The following REEP1 variants were observed in gnomAD, a reference collection of about 807,000 sequenced individuals.
The protein encoded by REEP1 is receptor accessory protein 1.
In REEP1, 22 loss-of-function variants were observed where a neutral mutation model predicts 40.3. The ratio of observed to expected loss-of-function variants is 0.55; its 90% CI spans 0.39 to 0.78. The LOEUF is 0.78. REEP1 is among the 30% of genes least tolerant of loss of function. The pLI is 0.00. For missense variants in REEP1, 280 were observed against 361.1 expected (o/e 0.78, Z 1.82); for synonymous variants, 116 against 139.2 (o/e 0.83, Z 1.17).
Position 86,265,357 on chromosome 2 carries a change from C to A in REEP1, c.106-1316G>T, listed in dbSNP as rs138718680. On this transcript the variant is annotated intron_variant, in intron 2 of 8. Coordinates refer to ENST00000538924, the MANE Select transcript of REEP1 (RefSeq NM_001371279.1). ...CACATCTTAGCAATAAAAATTACATCCTAACACTAAGAGATTAACTCTATG... is the reference window on the plus strand; with the variant it reads ...CACATCTTAGCAATAAAAATTACATACTAACACTAAGAGATTAACTCTATG... 7.2e-5 allele frequency among the ~76,000 whole-genome samples: 11 copies of A among 152,210 alleles called. No individual in the cohort carries two copies. In the East Asian group the frequency reaches 2.1e-3, roughly 29 times the overall value.
intron 2 of REEP1, among the ~76,000 whole-genome samples, chr2:86,264,863 C>T (rs1677058264): frequency 6.6e-6 from 1 of 152,196 alleles, no homozygotes; most frequent in African/African-American, 2.4e-5. Context: ...ACGGGAACCA[C>T]ACTGGGTTAG....
At chr2:86,329,666 A>C (rs1277233209) in intron 1 of REEP1, among the ~76,000 whole-genome samples, 1 of 152,014 alleles carries the variant, frequency 6.6e-6, no homozygotes, top group Non-Finnish European at 1.5e-5. Context: ...CTTTATGGGG[A>C]TCTTGTTAAA....
chr2:86,226,632 C>CTTTTTT (rs377324951), intron 7 of REEP1, among the ~76,000 whole-genome samples: 4 of 139,436 alleles, frequency 2.9e-5, no homozygotes, highest in East Asian at 4.2e-4. Flanking sequence ...GCACACCTGG[C>CTTTTTT]TTTTTTTTTT....
At chr2:86,324,564 T>C (rs890495331) in intron 1 of REEP1, among the ~76,000 whole-genome samples, 1 of 152,156 alleles carries the variant, frequency 6.6e-6, no homozygotes, top group Non-Finnish European at 1.5e-5. Context: ...GAGAACAGTT[T>C]ATGAAGAACA....
chr2:86,312,616 G>A (rs1251871803), intron 1 of REEP1, among the ~76,000 whole-genome samples: 1 of 152,156 alleles, frequency 6.6e-6, no homozygotes, highest in Non-Finnish European at 1.5e-5. Context: ...CAGCCTGGAT[G>A]ACAAAGTGAG....
At chr2:86,232,143 A>G (rs915947462) in intron 6 of REEP1, among the ~76,000 whole-genome samples, 3 of 152,132 alleles carry the variant, frequency 2.0e-5, no homozygotes, top group Non-Finnish European at 4.4e-5. Flanking sequence ...CAGAGATGAG[A>G]AGGAGACAGC....
intron 1 of REEP1, among the ~76,000 whole-genome samples, chr2:86,284,530 C>T (rs1249179032): frequency 6.6e-6 from 1 of 152,176 alleles, no homozygotes; most frequent in African/African-American, 2.4e-5. Context: ...GCGAGGTGGA[C>T]GCCAGACAGC....
At chr2:86,258,541 G>A (rs374758693) in intron 3 of REEP1, among the ~76,000 whole-genome samples, 40 of 152,084 alleles carry the variant, frequency 2.6e-4, no homozygotes, top group African/African-American at 8.9e-4. Flanking sequence ...GGGATGGAGG[G>A]GAACAGTCCT....
intron 6 of REEP1, among the ~76,000 whole-genome samples, chr2:86,228,075 GA>G (rs1314544250): frequency 6.6e-6 from 1 of 152,162 alleles, no homozygotes; most frequent in Non-Finnish European, 1.5e-5. Flanking sequence ...AAGCAAAGAG[GA>G]AAACTCCAGG....
intron 2 of REEP1, among the ~76,000 whole-genome samples, chr2:86,269,413 C>A (rs13417321): frequency 7.2e-5 from 11 of 152,132 alleles, no homozygotes; most frequent in African/African-American, 2.4e-4. Context: ...TAGCTAACTC[C>A]TAGATTATAA....
At chr2:86,328,469 A>G (rs965018092) in intron 1 of REEP1, among the ~76,000 whole-genome samples, 1 of 152,236 alleles carries the variant, frequency 6.6e-6, no homozygotes, top group Non-Finnish European at 1.5e-5. Flanking sequence ...TCACGAGGTC[A>G]GGAGATCGAG....
chr2:86,331,852 T>A (rs11675985), intron 1 of REEP1, among the ~76,000 whole-genome samples: 1 of 152,052 alleles, frequency 6.6e-6, no homozygotes, highest in African/African-American at 2.4e-5. Flanking sequence ...CCATCTTCCC[T>A]GCATAAAGCA....
At chr2:86,316,900 G>C (rs988515785) in intron 1 of REEP1, among the ~76,000 whole-genome samples, 1 of 152,016 alleles carries the variant, frequency 6.6e-6, no homozygotes, top group Non-Finnish European at 1.5e-5. Flanking sequence ...CCATGGTTTC[G>C]GGCAGTATCA....
At chr2:86,312,799 T>C (rs915022696) in intron 1 of REEP1, among the ~76,000 whole-genome samples, 1 of 152,248 alleles carries the variant, frequency 6.6e-6, no homozygotes, top group African/African-American at 2.4e-5. Flanking sequence ...TAAAGCATAC[T>C]TGTAAATTAT....
chr2:86,286,213 T>A (rs1678388881), intron 1 of REEP1, among the ~76,000 whole-genome samples: 1 of 152,162 alleles, frequency 6.6e-6, no homozygotes, highest in African/African-American at 2.4e-5. Flanking sequence ...GAAGGGAGCA[T>A]GAGCCTCGTG....
chr2:86,295,764 C>T (rs867814645), intron 1 of REEP1, among the ~76,000 whole-genome samples: 2 of 152,206 alleles, frequency 1.3e-5, no homozygotes, highest in African/African-American at 4.8e-5. Context: ...TGGTCTCGAT[C>T]TCCTGACCTC....
intron 1 of REEP1, among the ~76,000 whole-genome samples, chr2:86,322,813 G>A (rs892510494): frequency 1.3e-5 from 2 of 151,766 alleles, no homozygotes; most frequent in Non-Finnish European, 2.9e-5. Flanking sequence ...CTAACTACTC[G>A]AGAGGCTGAG....
chr2:86,318,751 C>T lies in REEP1; in HGVS notation c.32+18728G>A, dbSNP rs116706470. ...ATAGGAGAGTAATCTTGTCCTTGAG[C>T]GCCATACTTTAGTATTTGGGGTGAG... On this transcript the variant is annotated intron_variant, in intron 1 of 8. Transcript: ENST00000538924. Among the ~76,000 whole-genome samples, 104 of 152,096 alleles carry T rather than the reference C, an allele frequency of 6.8e-4. 2 individuals carry two copies. The South Asian group carries it at 9.6e-3, about 14-fold the overall frequency.
intron 5 of REEP1, among the ~76,000 whole-genome samples, chr2:86,238,149 C>G (rs1259771415): frequency 1.2e-4 from 18 of 152,042 alleles, no homozygotes; most frequent in Non-Finnish European, 7.4e-5. Context: ...CCATTGCACT[C>G]CAGCCTGGAC....
Sources: gnomAD v4.1 joint callset for allele counts (sites outside exome capture counted in the v4.1 genomes callset) on GRCh38, gnomAD v4.1.1 for gene constraint, MANE v1.5 for transcripts, NCBI Gene and HGNC (gene_info 2026-07-23, HGNC 2026-07-21) for gene names.